Variants in MSI2 observed in about 807,000 individuals in gnomAD.
MSI2 encodes musashi RNA binding protein 2.
MSI2 carries 17 observed loss-of-function variants against 45.6 expected under a neutral mutation model. The observed-to-expected ratio is 0.37, with a 90% CI of 0.26 to 0.56. The LOEUF is 0.56. Ranked by LOEUF, MSI2 falls within the 20% of genes least tolerant of loss-of-function variation. The pLI is 0.77. For synonymous variants in MSI2, 156 were observed against 158.2 expected (o/e 0.99, Z 0.11); for missense variants, 293 against 444.2 (o/e 0.66, Z 3.06).
chr17:57,627,364 G>A lies in MSI2; in HGVS notation c.727+61G>A, dbSNP rs150833600. ...AAGAGGTGGGCTGCATTTGCGGGGA[G>A]GTGAGAGGACCCCTAAAGAGAATGC... is the stretch of plus-strand genomic sequence containing the variant. On this transcript the variant is annotated intron_variant, in intron 10 of 13. Transcript: ENST00000284073. The surrounding 1 kb of genome is among the most constrained non-coding windows in gnomAD (Gnocchi z 4.6). 1.2e-5 allele frequency: 17 copies of A among 1,425,752 alleles called. No individual in the cohort carries two copies. In the Middle Eastern group the frequency reaches 7.1e-4, roughly 59 times the overall value. The allele number at this position is 1,425,752 out of a possible 1,614,324, so 88.3% of individuals were successfully genotyped here.
At chr17:57,468,363 C>A (rs1984991) in intron 6 of MSI2, among the ~76,000 whole-genome samples, 6,778 of 150,916 alleles carry the variant, frequency 0.045, 204 homozygotes, top group Non-Finnish European at 0.069. Context: ...ACTAAAAATA[C>A]AAAAAAAATT....
At chr17:57,452,487 G>A (rs1358646677) in intron 6 of MSI2, among the ~76,000 whole-genome samples, 1 of 152,226 alleles carries the variant, frequency 6.6e-6, no homozygotes, top group Non-Finnish European at 1.5e-5. Flanking sequence ...CCTGTTAGTG[G>A]GTCCTGGACT....
At chr17:57,636,592 GCA>G (rs1373827810) in intron 10 of MSI2, among the ~76,000 whole-genome samples, 1 of 152,248 alleles carries the variant, frequency 6.6e-6, no homozygotes, top group Non-Finnish European at 1.5e-5. Context: ...TTCAGTGAGA[GCA>G]CAGAGTTCCC....
chr17:57,364,039 G>A (rs1035630805), intron 5 of MSI2, among the ~76,000 whole-genome samples: 1 of 152,186 alleles, frequency 6.6e-6, no homozygotes, highest in Non-Finnish European at 1.5e-5. Flanking sequence ...GGGGATTTCA[G>A]GTCTAGAAGC....
At chr17:57,342,528 G>A (rs1212478551) in intron 5 of MSI2, among the ~76,000 whole-genome samples, 1 of 152,194 alleles carries the variant, frequency 6.6e-6, no homozygotes, top group Admixed American at 6.5e-5. Context: ...TCAGAGGAAA[G>A]TCTAAATCTG....
At chr17:57,537,560 GC>G (rs1355446192) in intron 7 of MSI2, among the ~76,000 whole-genome samples, 1 of 152,232 alleles carries the variant, frequency 6.6e-6, no homozygotes, top group Non-Finnish European at 1.5e-5. Flanking sequence ...TGTAGAGGAG[GC>G]CATTAAGGAT....
chr17:57,284,303 G>A (rs1310131714), intron 5 of MSI2, among the ~76,000 whole-genome samples: 1 of 152,064 alleles, frequency 6.6e-6, no homozygotes, highest in Non-Finnish European at 1.5e-5. Context: ...GCTCACTCCT[G>A]TGTTCCCCCT....
chr17:57,286,562 C>T (rs1909896189), intron 5 of MSI2, among the ~76,000 whole-genome samples: 2 of 151,662 alleles, frequency 1.3e-5, no homozygotes, highest in South Asian at 4.2e-4. Context: ...TTTGGCGTGC[C>T]CCTGTTGGTA....
the MSI2 span, among the ~76,000 whole-genome samples, chr17:57,698,944 G>A: frequency 8.8e-6 from 1 of 114,000 alleles, no homozygotes; most frequent in African/African-American, 3.2e-5. Context: ...TGTGTGTGAA[G>A]GTGAGAAAGG....
At chr17:57,605,042 G>A (rs1018679627) in intron 8 of MSI2, among the ~76,000 whole-genome samples, 9 of 152,268 alleles carry the variant, frequency 5.9e-5, no homozygotes, top group Non-Finnish European at 8.8e-5. Flanking sequence ...ATTCTCACTC[G>A]TAAGCTAATT....
chr17:57,627,104 A>G lies in MSI2; in HGVS notation c.653-125A>G, dbSNP rs1861474. 0.88 allele frequency: 791,046 copies of G among 895,630 alleles called. 349,896 individuals are homozygous for G. Among genetic ancestry groups the G allele is most frequent in the African/African-American group, 0.97 (59,140 of 60,954 alleles). The allele number at this position is 895,630 out of a possible 1,614,324, so 55.5% of individuals were successfully genotyped here. ...GACCCTTAATAAAAAAACCCTCATG[A>G]GAGACAAATTATTCTGTGAAGGAAA... On this transcript the variant is annotated intron_variant, in intron 9 of 13. Coordinates refer to ENST00000284073, the MANE Select transcript of MSI2 (RefSeq NM_138962.4). This position sits in a 1 kb window ranked among gnomAD's most constrained non-coding sequence, Gnocchi z 4.6.
intron 7 of MSI2, among the ~76,000 whole-genome samples, chr17:57,549,569 G>C (rs142623915): frequency 6.6e-6 from 1 of 152,132 alleles, no homozygotes; most frequent in Non-Finnish European, 1.5e-5. Flanking sequence ...ATAATGGTTC[G>C]AGTGAATGGA....
chr17:57,650,047 C>T (rs1490141523), intron 10 of MSI2, among the ~76,000 whole-genome samples: 5 of 152,206 alleles, frequency 3.3e-5, no homozygotes, highest in Non-Finnish European at 7.3e-5. Flanking sequence ...GCTCCACCTC[C>T]AGCAGGAGCC....
intron 6 of MSI2, among the ~76,000 whole-genome samples, chr17:57,439,395 CT>C (rs2084754740): frequency 6.6e-6 from 1 of 152,174 alleles, no homozygotes; most frequent in Non-Finnish European, 1.5e-5. Context: ...GCAGAAAGCA[CT>C]TCCTTGGCTG....
intron 5 of MSI2, among the ~76,000 whole-genome samples, chr17:57,326,689 T>A (rs1913822350): frequency 6.6e-6 from 1 of 152,222 alleles, no homozygotes; most frequent in Non-Finnish European, 1.5e-5. Flanking sequence ...TTATTTCCGC[T>A]CATTTGATCT....
intron 5 of MSI2, among the ~76,000 whole-genome samples, chr17:57,379,481 C>CTTTT (rs78899938): frequency 2.4e-4 from 33 of 134,782 alleles, no homozygotes; most frequent in Non-Finnish European, 4.8e-4. Context: ...TTTCTTTCTT[C>CTTTT]TTTTTTTTTT....
At chr17:57,657,970 A>G (rs1274402103) in intron 11 of MSI2, among the ~76,000 whole-genome samples, 1 of 152,212 alleles carries the variant, frequency 6.6e-6, no homozygotes, top group Admixed American at 6.5e-5. Context: ...CCCACAATGC[A>G]CTGTTTCTGG....
intron 5 of MSI2, chr17:57,264,484 A>T (rs1723945454): frequency 6.6e-6 from 1 of 152,114 alleles, no homozygotes; most frequent in Non-Finnish European, 1.5e-5. Flanking sequence ...GAGTGCTGGG[A>T]TTATAGGCGT....
At chr17:57,357,930 A>G (rs958773502) in intron 5 of MSI2, among the ~76,000 whole-genome samples, 1 of 152,110 alleles carries the variant, frequency 6.6e-6, no homozygotes, top group African/African-American at 2.4e-5. Flanking sequence ...TCATCCAGCC[A>G]GGATCTCTGT....
Sources: gnomAD v4.1 joint callset for allele counts (sites outside exome capture counted in the v4.1 genomes callset) on GRCh38, gnomAD v4.1.1 for gene constraint, Gnocchi (gnomAD v3.1) non-coding constraint, MANE v1.5 for transcripts, NCBI Gene and HGNC (gene_info 2026-07-23, HGNC 2026-07-21) for gene names.